Variants in NOL4 observed in about 807,000 individuals in gnomAD.
The protein encoded by NOL4 is nucleolar protein 4, also known as cancer/testis antigen 125.
Under a neutral mutation model 75.9 loss-of-function variants are expected in NOL4, and 17 were observed. That is an observed-to-expected ratio of 0.22 (90% CI 0.15 to 0.34). The LOEUF is 0.34. Ranked by LOEUF, NOL4 falls within the 10% of genes least tolerant of loss-of-function variation. NOL4 has a pLI of 1.00. For synonymous variants in NOL4, 292 were observed against 289.9 expected, an observed-to-expected ratio of 1.01 and a Z score of -0.07; for missense variants, 614 against 793.5, an observed-to-expected ratio of 0.77 and a Z score of 2.72.
At chr18:34,131,892 T>C (rs556270980) in intron 1 of NOL4, among the ~76,000 whole-genome samples, 1 of 152,296 alleles carries the variant, frequency 6.6e-6, no homozygotes, top group South Asian at 2.1e-4. Flanking sequence ...AAAATAGGTA[T>C]TAAAGAAATG....
intron 9 of NOL4, among the ~76,000 whole-genome samples, chr18:33,905,419 C>T (rs1426567902): frequency 1.3e-5 from 2 of 152,144 alleles, no homozygotes; most frequent in East Asian, 1.9e-4. Context: ...GGTCACCCCA[C>T]CATTCCAGAA....
At chr18:34,079,405 C>T (rs1465671520) in intron 5 of NOL4, among the ~76,000 whole-genome samples, 1 of 151,898 alleles carries the variant, frequency 6.6e-6, no homozygotes, top group Non-Finnish European at 1.5e-5. Flanking sequence ...TTCTCCTTGC[C>T]ACCCCATCCT....
intron 4 of NOL4, 21 bp downstream of exon 4, chr18:34,104,026 A>C (rs1371320611): frequency 1.3e-5 from 19 of 1,503,410 alleles, no homozygotes; most frequent in Non-Finnish European, 1.7e-5. Flanking sequence ...AGTAATACAA[A>C]TGTAGATGTT....
At chr18:34,161,521 T>A (rs1309536186) in intron 1 of NOL4, among the ~76,000 whole-genome samples, 1 of 152,202 alleles carries the variant, frequency 6.6e-6, no homozygotes, top group Non-Finnish European at 1.5e-5. Flanking sequence ...TGTTGTCTTT[T>A]TGATAATAGC....
chr18:34,052,678 CTAGTATTA>C (rs972428547), intron 5 of NOL4, among the ~76,000 whole-genome samples: 3 of 151,936 alleles, frequency 2.0e-5, no homozygotes, highest in Non-Finnish European at 4.4e-5. Context: ...AGCTCATGGT[CTAGTATTA>C]TAGTACAGAT....
Position 34,074,410 on chromosome 18 carries a change from CT to C in NOL4, c.772+19054del, listed in dbSNP as rs2077659293. On this transcript the variant is annotated intron_variant, in intron 5 of 10. Transcript: ENST00000261592. ...ATATTGTTGTGGTATTATATATAAC[CT>C]TGTGTAATAAACACAAACAAAAAAT... 2.0e-5 allele frequency among the ~76,000 whole-genome samples: 3 copies of C among 151,648 alleles called. No individual in the cohort carries two copies. The South Asian group carries it at 6.2e-4, about 32-fold the overall frequency.
intron 1 of NOL4, chr18:34,222,022 T>A (rs747636207): frequency 1.3e-6 from 2 of 1,535,296 alleles, no homozygotes. Context: ...GTACCCACCG[T>A]GGCATGATGC....
rs142644258 is a variant in NOL4, at chr18:33,956,702, T to C, written c.1428+624A>G. Among the ~76,000 whole-genome samples the C allele has an allele frequency of 2.6e-5, 4 of 152,314 alleles. No homozygotes were observed. The East Asian group carries it at 7.7e-4, about 29-fold the overall frequency. ...AATCTCCACCCTATCAGTAATCTAATGTCAACATAATCTCATCTGTCTATA... is the reference window on the plus strand; with the variant it reads ...AATCTCCACCCTATCAGTAATCTAACGTCAACATAATCTCATCTGTCTATA... On this transcript the variant is annotated intron_variant, in intron 8 of 10. Transcript: ENST00000261592.
chr18:33,881,490 T>C (rs1449015513), intron 10 of NOL4, among the ~76,000 whole-genome samples: 1 of 151,946 alleles, frequency 6.6e-6, no homozygotes, highest in East Asian at 1.9e-4. Flanking sequence ...CAGTATGATA[T>C]TGGCTGTGGA....
intron 9 of NOL4, among the ~76,000 whole-genome samples, chr18:33,941,708 A>T (rs2068496625): frequency 6.6e-6 from 1 of 151,944 alleles, no homozygotes; most frequent in African/African-American, 2.4e-5. Flanking sequence ...GAGTAATCAA[A>T]GCACACAGAA....
chr18:34,062,800 C>A (rs1281571413), intron 5 of NOL4, among the ~76,000 whole-genome samples: 2 of 151,954 alleles, frequency 1.3e-5, no homozygotes, highest in Admixed American at 1.3e-4. Flanking sequence ...AGATAGAAAG[C>A]CATAGTGCAT....
At chr18:34,089,956 C>T (rs1333686055) in intron 5 of NOL4, among the ~76,000 whole-genome samples, 1 of 151,964 alleles carries the variant, frequency 6.6e-6, no homozygotes, top group African/African-American at 2.4e-5. Context: ...CACGCACAAA[C>T]ACACACACCC....
At chr18:34,198,631 G>C (rs2035508999) in intron 1 of NOL4, among the ~76,000 whole-genome samples, 3 of 151,690 alleles carry the variant, frequency 2.0e-5, no homozygotes, top group African/African-American at 7.3e-5. Context: ...ATATTCTTGG[G>C]AACAATGTGG....
intron 1 of NOL4, among the ~76,000 whole-genome samples, chr18:34,194,179 G>GT (rs2035131898): frequency 6.6e-6 from 1 of 152,016 alleles, no homozygotes; most frequent in African/African-American, 2.4e-5. Context: ...GTTAAAAAAT[G>GT]TATTATATTC....
chr18:34,147,279 C>G (rs181541835), intron 1 of NOL4, among the ~76,000 whole-genome samples: 92 of 152,240 alleles, frequency 6.0e-4, no homozygotes, highest in African/African-American at 2.2e-3. Flanking sequence ...TGAGAGAGGG[C>G]ATCCTTGTCT....
At chr18:33,881,263 G>C (rs1415761511) in intron 10 of NOL4, among the ~76,000 whole-genome samples, 2 of 150,062 alleles carry the variant, frequency 1.3e-5, no homozygotes, top group Non-Finnish European at 1.5e-5. Flanking sequence ...AGGAGATTTT[G>C]GGCTGAGACA....
intron 1 of NOL4, among the ~76,000 whole-genome samples, chr18:34,166,072 T>G (rs2032295066): frequency 6.6e-6 from 1 of 152,030 alleles, no homozygotes; most frequent in Admixed American, 6.6e-5. Context: ...CAGATAAACT[T>G]TAGTCTCTAG....
intron 1 of NOL4, among the ~76,000 whole-genome samples, chr18:34,152,151 T>C (rs948239507): frequency 6.6e-6 from 1 of 151,926 alleles, no homozygotes; most frequent in Non-Finnish European, 1.5e-5. Flanking sequence ...CTTATTTTAA[T>C]GTTATTTTTA....
chr18:34,042,238 A>G (rs2144816225), intron 5 of NOL4, among the ~76,000 whole-genome samples: 1 of 152,134 alleles, frequency 6.6e-6, no homozygotes, highest in East Asian at 1.9e-4. Context: ...ATAAGGCTAC[A>G]TACACAAAGA....
Sources: allele counts gnomAD v4.1 joint callset (sites outside exome capture counted in the v4.1 genomes callset), GRCh38; gene constraint gnomAD v4.1.1; transcripts MANE v1.5; gene names NCBI Gene and HGNC (gene_info 2026-07-23, HGNC 2026-07-21).